The following SVEP1 variants were observed in gnomAD, a reference collection of about 807,000 sequenced individuals.
The protein encoded by SVEP1 is sushi, von Willebrand factor type A, EGF and pentraxin domain-containing protein 1.
In SVEP1, 164 loss-of-function variants were observed where a neutral mutation model predicts 367.3. That is an observed-to-expected ratio of 0.45 (90% CI 0.39 to 0.51). SVEP1 has a LOEUF of 0.51. SVEP1 is among the 20% of genes least tolerant of loss of function. The probability of loss-of-function intolerance (pLI) is 0.00; values close to 1 mark genes in which losing one functional copy is unlikely to be tolerated. For missense variants in SVEP1, 4,117 were observed against 4,425.3 expected (o/e 0.93, Z 1.98); for synonymous variants, 1,666 against 1,611.6 (o/e 1.03, Z -0.81).
chr9:110,373,495 G>C (rs1207790092), intron 46 of SVEP1, among the ~76,000 whole-genome samples: 2 of 152,084 alleles, frequency 1.3e-5, no homozygotes, highest in Non-Finnish European at 1.5e-5. Context: ...ACAAGCTCTG[G>C]TGTTAGGAAG....
intron 47 of SVEP1, among the ~76,000 whole-genome samples, chr9:110,367,878 C>T (rs533578196): frequency 4.6e-5 from 7 of 152,138 alleles, no homozygotes; most frequent in East Asian, 3.9e-4. Flanking sequence ...GTCAGGAGTT[C>T]GAGACTAGCC....
intron 41 of SVEP1, 55 bp downstream of exon 41, chr9:110,389,467 CTG>C: frequency 6.3e-7 from 1 of 1,589,826 alleles, no homozygotes; most frequent in South Asian, 1.1e-5. Flanking sequence ...TGTAGCCACA[CTG>C]TTATTTTGTG....
At chr9:110,496,710 T>C in intron 8 of SVEP1, 105 bp downstream of exon 8, 1 of 771,306 alleles carries the variant, frequency 1.3e-6, no homozygotes, top group African/African-American at 1.7e-5. Flanking sequence ...TAGAGAACCC[T>C]AATACAAGTA....
intron 37 of SVEP1, among the ~76,000 whole-genome samples, 188 bp from the exon 38 acceptor site, chr9:110,409,139 T>C (rs959827833): frequency 2.0e-5 from 3 of 152,164 alleles, no homozygotes; most frequent in Non-Finnish European, 4.4e-5. Flanking sequence ...AAAATGATAG[T>C]AGAAAGTCAA....
intron 36 of SVEP1, among the ~76,000 whole-genome samples, chr9:110,416,991 T>C (rs971339831): frequency 5.3e-5 from 8 of 152,192 alleles, no homozygotes; most frequent in Admixed American, 2.0e-4. Context: ...GAGGGCAATA[T>C]TGTCCTTGAT....
chr9:110,400,734 A>T (rs1564131321), intron 40 of SVEP1, 120 bp downstream of exon 40: 18 of 1,112,436 alleles, frequency 1.6e-5, no homozygotes, highest in East Asian at 2.6e-5. Context: ...ATAAGGGAAC[A>T]AAGTATAATA....
chr9:110,529,265 G>T (rs1469400220), intron 3 of SVEP1, among the ~76,000 whole-genome samples: 2 of 100,260 alleles, frequency 2.0e-5, no homozygotes, highest in Non-Finnish European at 4.6e-5. Context: ...ATGCTGTTTT[G>T]GTTACTATAG....
rs912814953 is a variant in SVEP1 at position 110,447,104 on chromosome 9, T to C, written c.4104-47A>G. ...TAACAATTAGAACAGTTGTAGGAAG[T>C]CTCCCATTTATGATAATCTTATCTC... On this transcript the variant is annotated intron_variant, in intron 24 of 47. Coordinates refer to ENST00000374469, the MANE Select transcript of SVEP1 (RefSeq NM_153366.4). The C allele has an allele frequency of 1.6e-5, 21 of 1,350,756 alleles. No individual in the cohort carries two copies. The South Asian group carries it at 3.4e-4, about 22-fold the overall frequency. 83.7% of individuals were successfully genotyped at this position (1,350,756 alleles called of 1,614,324 possible). A position where few individuals can be genotyped will look rare whatever the true frequency, so the allele number is the denominator to read the frequency against.
intron 22 of SVEP1, among the ~76,000 whole-genome samples, chr9:110,451,964 A>G (rs1333452413): frequency 1.3e-5 from 2 of 152,208 alleles, no homozygotes; most frequent in Non-Finnish European, 1.5e-5. Flanking sequence ...GGTCTGTGAC[A>G]TTGCCAAGGA....
chr9:110,451,520 G>A (rs576904743), intron 22 of SVEP1, 118 bp from the exon 23 acceptor site: 19 of 626,640 alleles, frequency 3.0e-5, no homozygotes, highest in Non-Finnish European at 4.5e-5. Flanking sequence ...TGGCTAACAT[G>A]TTTGTGACAA....
chr9:110,444,313 C>T (rs529572605), intron 26 of SVEP1, among the ~76,000 whole-genome samples: 1 of 152,108 alleles, frequency 6.6e-6, no homozygotes, highest in East Asian at 1.9e-4. Flanking sequence ...TGCACCTTCG[C>T]CATGTGAAGA....
chr9:110,453,395 T>G (rs965388452), intron 22 of SVEP1, among the ~76,000 whole-genome samples: 2 of 152,110 alleles, frequency 1.3e-5, no homozygotes, highest in African/African-American at 4.8e-5. Context: ...AGATCACTGT[T>G]TCTGAACTAT....
chr9:110,483,119 G>A (rs1564155396), intron 10 of SVEP1, among the ~76,000 whole-genome samples: 1 of 152,062 alleles, frequency 6.6e-6, no homozygotes, highest in South Asian at 2.1e-4. Context: ...ATTTTTTGTT[G>A]TTTTCTGAGT....
At chr9:110,576,643 A>G (rs1326270097) in intron 1 of SVEP1, among the ~76,000 whole-genome samples, 2 of 152,100 alleles carry the variant, frequency 1.3e-5, no homozygotes, top group African/African-American at 4.8e-5. Flanking sequence ...GCATATTTTT[A>G]AAAATCAGTG....
chr9:110,411,421 A>C lies in SVEP1; in HGVS notation c.6290T>G (p.Val2097Gly). Residue 2097 changes from valine (V) to glycine (G), a missense_variant, in exon 37 of 48, where the codon GTG (valine) becomes GGG (glycine). Val to Gly is a moderately radical substitution (Grantham distance 109). This residue lies in a region of SVEP1 where 2,174 missense variants were observed against 2,494.3 expected (regional missense o/e 0.87). Transcript: ENST00000374469. ...PSVSYSILESVSKAKFAAGSV... is the reference protein window; with the variant it reads ...PSVSYSILESGSKAKFAAGSV... ...GCCAGCTGCAAATTTTGCTTTGCTC[A>C]CAGATTCCAAGATGCTATAGGAAAC... 2 of 1,614,016 alleles carry C rather than the reference A, an allele frequency of 1.2e-6. No homozygotes were observed. The highest frequency in any genetic ancestry group is 1.7e-6 in the Non-Finnish European group (2 of 1,179,890).
At chr9:110,510,695 G>A (rs1485457684) in intron 5 of SVEP1, among the ~76,000 whole-genome samples, 3 of 152,332 alleles carry the variant, frequency 2.0e-5, no homozygotes, top group Admixed American at 6.5e-5. Flanking sequence ...TGAAAGGGCA[G>A]TCTTCTCTGA....
intron 1 of SVEP1, among the ~76,000 whole-genome samples, chr9:110,568,997 G>A (rs1441829939): frequency 6.6e-6 from 1 of 150,860 alleles, no homozygotes; most frequent in East Asian, 1.9e-4. Flanking sequence ...TACTTAGGAG[G>A]CTGAGGTAGG....
intron 8 of SVEP1, among the ~76,000 whole-genome samples, chr9:110,494,953 C>A (rs1201862549): frequency 1.3e-5 from 2 of 152,190 alleles, no homozygotes; most frequent in South Asian, 2.1e-4. Context: ...GGACCCCCAA[C>A]TGTAGCCAAA....
chr9:110,415,670 T>G (rs1828109579), intron 36 of SVEP1, among the ~76,000 whole-genome samples: 2 of 151,844 alleles, frequency 1.3e-5, no homozygotes, highest in South Asian at 4.1e-4. Context: ...ATAAGATGAG[T>G]GCTGACTTCT....
Sources: gnomAD v4.1 joint callset for allele counts (sites outside exome capture counted in the v4.1 genomes callset) on GRCh38, gnomAD v4.1.1 for gene constraint, gnomAD v4.1.1 regional missense constraint, MANE v1.5 for transcripts, NCBI Gene and HGNC (gene_info 2026-07-23, HGNC 2026-07-21) for gene names.